Variants in TRPV3 observed in about 807,000 individuals in gnomAD.
TRPV3 encodes VRL-3.
A neutral mutation model predicts 87.1 loss-of-function variants in TRPV3; 88 were observed. That is an observed-to-expected ratio of 1.01 (90% confidence interval 0.85 to 1.21). TRPV3 has a LOEUF of 1.21. Among genes scored for constraint, TRPV3 ranks in the 50% most tolerant of loss-of-function variants. TRPV3 has a pLI of 0.00. For missense variants in TRPV3, 1,054 were observed against 1,030.1 expected (o/e 1.02, Z -0.32); for synonymous variants, 438 against 423.3 (o/e 1.03, Z -0.43).
chr17:3,544,430 G>A (rs1597488370), intron 4 of TRPV3, 149 bp downstream of exon 4: 14 of 567,818 alleles, frequency 2.5e-5, no homozygotes, highest in Middle Eastern at 4.5e-4. Context: ...CCCCGTAAAC[G>A]TCCTACATGC....
rs371967901 is a variant in TRPV3 at position 3,528,966 on chromosome 17, C to T, written c.1272G>A (p.Pro424=). ...ACTTCATATGCAGCAGCGTGTGCAGCGGCTCCAGGGTCAGCATCTCATGCC... is the reference window on the plus strand; with the variant it reads ...ACTTCATATGCAGCAGCGTGTGCAGTGGCTCCAGGGTCAGCATCTCATGCC... The part of the protein sequence containing the change: ...DNRHEMLTLE[P]LHTLLHMKWK... The change falls in exon 10 of 18, where the codon CCG becomes CCA. Residue 424 remains proline, a synonymous_variant. Coordinates refer to ENST00000576742, the MANE Select transcript of TRPV3 (RefSeq NM_145068.4). The surrounding 1 kb of genome is among the most constrained non-coding windows in gnomAD (Gnocchi z 4.2). The T allele has an allele frequency of 6.8e-6, 11 of 1,614,086 alleles. No individual in the cohort carries two copies. Among genetic ancestry groups the T allele is most frequent in the Admixed American group, 1.7e-5 (1 of 60,010 alleles).
chr17:3,516,368 G>T, intron 16 of TRPV3, 89 bp downstream of exon 16: 1 of 1,015,006 alleles, frequency 9.9e-7, no homozygotes, highest in Non-Finnish European at 1.6e-6. Flanking sequence ...AGCAAGTGGC[G>T]GCACTGTTTC....
chr17:3,551,782 C>T (rs1271362934), intron 2 of TRPV3, among the ~76,000 whole-genome samples: 3 of 151,388 alleles, frequency 2.0e-5, no homozygotes, highest in African/African-American at 4.9e-5. Flanking sequence ...TGTCTCCTAT[C>T]TCCAGACTCC....
In TRPV3 at chr17:3,518,677, CAT is replaced by C; in HGVS notation, c.1982_1983del (p.Tyr661CysfsTer43). ...AGGAGGAGAACAAAGGTGAGGATGACATAGGTGATGAGCAGGAACAGAAAGAG... is the reference window on the plus strand; with the variant it reads ...AGGAGGAGAACAAAGGTGAGGATGACAGGTGATGAGCAGGAACAGAAAGAG... ...PILFLFLLITYVILTFVLLLN... is the reference protein window; with the variant it reads ...PILFLFLLITXVILTFVLLLN... On this transcript the variant is annotated frameshift_variant, in exon 15 of 18. Transcript: ENST00000576742. LOFTEE classifies it high-confidence loss of function. The surrounding 1 kb of genome is among the most constrained non-coding windows in gnomAD (Gnocchi z 4.3). The C allele has an allele frequency of 6.2e-7, 1 of 1,607,858 alleles. No individual in the cohort carries two copies. Among genetic ancestry groups the C allele is most frequent in the South Asian group, 1.1e-5 (1 of 89,666 alleles).
chr17:3,524,140 C>A, intron 13 of TRPV3, 58 bp downstream of exon 13: 1 of 1,590,864 alleles, frequency 6.3e-7, no homozygotes, highest in Non-Finnish European at 8.6e-7. Flanking sequence ...CTCAGTTTCC[C>A]CATCTGAAAA....
At chr17:3,545,346 C>A (rs2074514063) in intron 2 of TRPV3, 75 bp from the exon 3 acceptor site, 1 of 1,140,998 alleles carries the variant, frequency 8.8e-7, no homozygotes, top group Non-Finnish European at 1.3e-6. Context: ...CCTCCTGGCC[C>A]CAGAGGGTGC....
rs1034133548 is a variant in TRPV3, at chr17:3,524,235, A to G, written c.1706T>C (p.Phe569Ser). ...GACGCTGTACATGCCCATGGACTGG[A>G]AACCCCGCGTATAGTAGAGCATGTT... The part of the protein sequence containing the change: ...WANMLYYTRG[F>S]QSMGMYSVMI... The change falls in exon 13 of 18, where the codon TTC becomes TCC. Residue 569 changes from phenylalanine (F) to serine (S), a missense_variant. Phe to Ser is a radical substitution (Grantham distance 155). Transcript: ENST00000576742. 6 of 1,614,250 alleles carry G rather than the reference A, an allele frequency of 3.7e-6. No individual in the cohort carries two copies. The highest frequency in any genetic ancestry group is 2.2e-5 in the East Asian group (1 of 44,890).
intron 7 of TRPV3, among the ~76,000 whole-genome samples, chr17:3,534,586 G>T (rs544469182): frequency 6.6e-6 from 1 of 152,024 alleles, no homozygotes; most frequent in Admixed American, 6.6e-5. Flanking sequence ...CTGTGAAAAT[G>T]AACAGAACTG....
chr17:3,517,250 C>T (rs1394862281), intron 15 of TRPV3, among the ~76,000 whole-genome samples: 1 of 146,442 alleles, frequency 6.8e-6, no homozygotes, highest in Admixed American at 7.1e-5. Flanking sequence ...CACCCCCTCC[C>T]AGGCTTGGAA....
chr17:3,546,079 G>A (rs1467738966), intron 2 of TRPV3, among the ~76,000 whole-genome samples: 1 of 151,982 alleles, frequency 6.6e-6, no homozygotes, highest in Non-Finnish European at 1.5e-5. Flanking sequence ...CGTGTTGCAC[G>A]TGAAAAGGGG....
intron 6 of TRPV3, among the ~76,000 whole-genome samples, chr17:3,538,479 G>GTAGGAGAA (rs2074428493): frequency 6.6e-6 from 1 of 151,628 alleles, no homozygotes; most frequent in Non-Finnish European, 1.5e-5. Flanking sequence ...TTAGTGATAA[G>GTAGGAGAA]TAGGAGAATG....
chr17:3,544,034 A>T, intron 4 of TRPV3, among the ~76,000 whole-genome samples: 1 of 151,806 alleles, frequency 6.6e-6, no homozygotes, highest in East Asian at 1.9e-4. Context: ...TTTGAGACAG[A>T]GTCTTGCTCT....
At chr17:3,524,706 T>C (rs1329126660) in intron 12 of TRPV3, among the ~76,000 whole-genome samples, 3 of 151,812 alleles carry the variant, frequency 2.0e-5, no homozygotes, top group Non-Finnish European at 4.4e-5. Flanking sequence ...GTGTAGTGGC[T>C]TTCGCCTGTA....
At chr17:3,542,031 A>G (rs2074467430) in intron 6 of TRPV3, among the ~76,000 whole-genome samples, 1 of 152,132 alleles carries the variant, frequency 6.6e-6, no homozygotes, top group Non-Finnish European at 1.5e-5. Flanking sequence ...ATCTCGGCTC[A>G]CTGCAACCTC....
chr17:3,547,779 G>C (rs1184457342), intron 2 of TRPV3, among the ~76,000 whole-genome samples: 1 of 152,196 alleles, frequency 6.6e-6, no homozygotes, highest in Non-Finnish European at 1.5e-5. Flanking sequence ...GGAGAAGAGA[G>C]ACAGAAGCCC....
intron 6 of TRPV3, among the ~76,000 whole-genome samples, chr17:3,538,802 C>G (rs1166789327): frequency 1.3e-5 from 2 of 152,194 alleles, no homozygotes; most frequent in African/African-American, 4.8e-5. Context: ...CTAGGCTGGT[C>G]TGGAACTCCT....
Position 3,532,712 on chromosome 17 carries a change from C to T in TRPV3, c.1010G>A (p.Arg337His), listed in dbSNP as rs202193958. The change falls in exon 8 of 18, where the codon CGC becomes CAC. Residue 337 changes from arginine (R) to histidine (H), a missense_variant. Transcript: ENST00000576742. ...CAGCGGCGTGAGGCCATCGTTGTTG[C>T]GAGTGGTCTCCAGCTCCCAGTTGCC... Reference protein sequence around the residue: ...RSGNWELETTRNNDGLTPLQL... With the variant: ...RSGNWELETTHNNDGLTPLQL... The T allele has an allele frequency of 8.2e-5, 133 of 1,614,118 alleles. No homozygotes were observed. The highest frequency in any genetic ancestry group is 2.1e-4 in the African/African-American group (16 of 74,938).
intron 8 of TRPV3, 82 bp downstream of exon 8, chr17:3,532,575 G>A (rs1404738790): frequency 3.3e-6 from 5 of 1,518,684 alleles, no homozygotes; most frequent in Non-Finnish European, 4.5e-6. Context: ...TGAATCCCCA[G>A]TAAGGCCCCC....
rs1175508252 is a variant in TRPV3 at position 3,510,699 on chromosome 17, G to A, written c.*3218C>T. 6.6e-6 allele frequency: 1 copy of A among 152,226 alleles called. No homozygotes were observed. Among genetic ancestry groups the A allele is most frequent in the African/African-American group, 2.4e-5 (1 of 41,444 alleles). The allele number at this position is 152,226 out of a possible 1,614,324, so 9.4% of individuals were successfully genotyped here. On this transcript the variant is annotated 3_prime_UTR_variant, in exon 18 of 18. Transcript: ENST00000576742. ...AGAATGGGGTGACGATTCTGTGTTT[G>A]GAACCAAGATCACAGTAAAAAATAT...
Sources: gnomAD v4.1 joint callset for allele counts (sites outside exome capture counted in the v4.1 genomes callset) on GRCh38, gnomAD v4.1.1 for gene constraint, Gnocchi (gnomAD v3.1) non-coding constraint, MANE v1.5 for transcripts, NCBI Gene and HGNC (gene_info 2026-07-23, HGNC 2026-07-21) for gene names.